The following ARNT variants were observed in gnomAD, a reference collection of about 807,000 sequenced individuals.
ARNT encodes the protein class E basic helix-loop-helix protein 2.
In ARNT, 30 loss-of-function variants were observed where a neutral mutation model predicts 105.0. The observed-to-expected ratio is 0.29, with a 90% CI of 0.21 to 0.39. ARNT has a LOEUF of 0.39. Ranked by LOEUF, ARNT falls within the 10% of genes least tolerant of loss-of-function variation. ARNT has a pLI of 1.00. For synonymous variants in ARNT, 304 were observed against 344.0 expected, an observed-to-expected ratio of 0.88 and a Z score of 1.29; for missense variants, 748 against 978.7, an observed-to-expected ratio of 0.76 and a Z score of 3.15.
rs111898376 is a variant in ARNT, at chr1:150,865,433, T to C, written c.26-6973A>G. 7.7e-3 allele frequency among the ~76,000 whole-genome samples: 1,169 copies of C among 152,304 alleles called. 6 individuals carry two copies. Among genetic ancestry groups the C allele is most frequent in the Non-Finnish European group, 0.011 (717 of 68,028 alleles). On this transcript the variant is annotated intron_variant, in intron 1 of 21. Transcript: ENST00000358595. ...GAAAAAGCAGAAAACCAACTCAATT[T>C]ACGCTATGGAATTCCCCAAAGTCTC...
chr1:150,842,158 A>G, intron 5 of ARNT: 1 of 540,706 alleles, frequency 1.8e-6, no homozygotes, highest in African/African-American at 2.0e-5. Flanking sequence ...TGTGAAACTT[A>G]GTACTGACAT....
At chr1:150,825,977 G>A (rs1283123932) in intron 13 of ARNT, among the ~76,000 whole-genome samples, 2 of 151,502 alleles carry the variant, frequency 1.3e-5, no homozygotes, top group African/African-American at 4.8e-5. Flanking sequence ...ACAGTGGCAT[G>A]ATCTCAGTTC....
rs587652084 is a variant in ARNT at position 150,857,552 on chromosome 1, A to G, written c.137+797T>C. ...CATTACTATTGGTGGGACAAAACTTAAAGACTGGTTATAATTAGCTGCACA... is the reference window on the plus strand; with the variant it reads ...CATTACTATTGGTGGGACAAAACTTGAAGACTGGTTATAATTAGCTGCACA... On this transcript the variant is annotated intron_variant, in intron 2 of 21. Transcript: ENST00000358595. Among the ~76,000 whole-genome samples, 3 of 152,320 alleles carry G rather than the reference A, an allele frequency of 2.0e-5. No homozygotes were observed. In the East Asian group the frequency reaches 5.8e-4, roughly 29 times the overall value.
In ARNT at chr1:150,817,984, T is replaced by C. The variant is rs754699836; in HGVS notation, c.1441A>G (p.Arg481Gly). The C allele has an allele frequency of 6.2e-6, 10 of 1,613,518 alleles. No homozygotes were observed. Among genetic ancestry groups the C allele is most frequent in the Non-Finnish European group, 8.5e-6 (10 of 1,179,922 alleles). Reference sequence around the variant, plus strand: ...TTAGCTGTGGGACCTAGTTGTGGCCTCTGGATTGTGTTGGAGAGTGTAGGC... The same window carrying C: ...TTAGCTGTGGGACCTAGTTGTGGCCCCTGGATTGTGTTGGAGAGTGTAGGC... ...PRPTLSNTIQRPQLGPTANLP... is the reference protein window; with the variant it reads ...PRPTLSNTIQGPQLGPTANLP... Residue 481 changes from arginine to glycine, a missense_variant, in exon 15 of 22, where the codon AGG becomes GGG. Arg to Gly is a moderately radical substitution (Grantham distance 125). This residue lies in a region of ARNT where 360 missense variants were observed against 411.9 expected (regional missense o/e 0.87). Transcript: ENST00000358595.
At chr1:150,873,048 G>T (rs1667708205) in intron 1 of ARNT, among the ~76,000 whole-genome samples, 1 of 152,038 alleles carries the variant, frequency 6.6e-6, no homozygotes. Context: ...ACTTTGGGAG[G>T]CCGAGGCAGG....
At chr1:150,830,134 G>C in intron 10 of ARNT, 154 bp from the exon 11 acceptor site, 1 of 748,710 alleles carries the variant, frequency 1.3e-6, no homozygotes, top group East Asian at 2.8e-5. Flanking sequence ...CAAGGTGGGC[G>C]GATCACTTGA....
chr1:150,850,797 G>A (rs2102147645), intron 3 of ARNT, among the ~76,000 whole-genome samples: 1 of 151,888 alleles, frequency 6.6e-6, no homozygotes, highest in Admixed American at 6.6e-5. Context: ...GGGAACTGAG[G>A]AGCGCCTCTT....
At chr1:150,816,458 A>G (rs1655905498) in intron 18 of ARNT, 52 bp from the exon 19 acceptor site, 7 of 1,570,784 alleles carry the variant, frequency 4.5e-6, no homozygotes, top group African/African-American at 1.4e-5. Flanking sequence ...TTATCACAGA[A>G]GCTAGGAATC....
chr1:150,875,156 T>A (rs1055749281), intron 1 of ARNT, among the ~76,000 whole-genome samples: 2 of 152,226 alleles, frequency 1.3e-5, no homozygotes, highest in Non-Finnish European at 2.9e-5. Context: ...TACTACAAGG[T>A]CAGGTTTGAC....
At chr1:150,867,341 G>A (rs1666763344) in intron 1 of ARNT, among the ~76,000 whole-genome samples, 1 of 151,766 alleles carries the variant, frequency 6.6e-6, no homozygotes, top group African/African-American at 2.4e-5. Flanking sequence ...ACCAGTCTGG[G>A]CAATACAGTG....
intron 14 of ARNT, among the ~76,000 whole-genome samples, chr1:150,821,688 ACC>A (rs1657099138): frequency 6.6e-6 from 1 of 151,976 alleles, no homozygotes; most frequent in South Asian, 2.1e-4. Context: ...TCCCTCTGTC[ACC>A]CAGGCTGGAG....
At chr1:150,825,913 T>C (rs892111207) in intron 13 of ARNT, among the ~76,000 whole-genome samples, 9 of 151,596 alleles carry the variant, frequency 5.9e-5, no homozygotes, top group Admixed American at 1.3e-4. Flanking sequence ...ACAATTTTCT[T>C]TTTTATCTTT....
At chr1:150,853,506 G>C (rs997606972) in intron 2 of ARNT, among the ~76,000 whole-genome samples, 2 of 152,130 alleles carry the variant, frequency 1.3e-5, no homozygotes, top group Non-Finnish European at 2.9e-5. Context: ...CCAAATTTCT[G>C]AAACATCTTT....
intron 2 of ARNT, among the ~76,000 whole-genome samples, chr1:150,854,162 T>G (rs1469575673): frequency 6.6e-6 from 1 of 152,206 alleles, no homozygotes; most frequent in African/African-American, 2.4e-5. Flanking sequence ...CATAGCTCAC[T>G]GCCACCTTGA....
chr1:150,826,064 C>T (rs973341585), intron 13 of ARNT, among the ~76,000 whole-genome samples: 1 of 152,042 alleles, frequency 6.6e-6, no homozygotes, highest in Non-Finnish European at 1.5e-5. Context: ...CAGGCATGCA[C>T]CACCATACCA....
intron 1 of ARNT, among the ~76,000 whole-genome samples, chr1:150,866,695 A>G (rs1269633799): frequency 1.3e-5 from 2 of 150,130 alleles, no homozygotes; most frequent in East Asian, 1.9e-4. Flanking sequence ...ACACACATAC[A>G]TATACACACA....
chr1:150,814,651 G>A (rs1404832300), intron 19 of ARNT, among the ~76,000 whole-genome samples: 1 of 152,066 alleles, frequency 6.6e-6, no homozygotes, highest in Non-Finnish European at 1.5e-5. Context: ...AGACCAGCCG[G>A]GCCAACATGG....
At chr1:150,840,815 G>T (rs1661141302) in intron 5 of ARNT, among the ~76,000 whole-genome samples, 1 of 152,064 alleles carries the variant, frequency 6.6e-6, no homozygotes, top group Admixed American at 6.6e-5. Context: ...TAATCCAGCA[G>T]TTTTCCAACA....
chr1:150,852,109 A>C (rs1663728909), intron 3 of ARNT, among the ~76,000 whole-genome samples: 1 of 152,170 alleles, frequency 6.6e-6, no homozygotes, highest in Non-Finnish European at 1.5e-5. Context: ...AGGTGTCAAC[A>C]GGTGTCAGAG....
Sources: gnomAD v4.1 joint callset for allele counts (sites outside exome capture counted in the v4.1 genomes callset) on GRCh38, gnomAD v4.1.1 for gene constraint, gnomAD v4.1.1 regional missense constraint, MANE v1.5 for transcripts, NCBI Gene and HGNC (gene_info 2026-07-23, HGNC 2026-07-21) for gene names.